The following PTPRN2 variants were observed in gnomAD, a reference collection of about 807,000 sequenced individuals.
PTPRN2 encodes the protein protein tyrosine phosphatase receptor type N2, also known as receptor-type tyrosine-protein phosphatase N2.
A neutral mutation model predicts 118.8 loss-of-function variants in PTPRN2; 74 were observed. The observed-to-expected ratio is 0.62, with a 90% confidence interval of 0.52 to 0.76. PTPRN2 has a LOEUF of 0.76. Among genes scored for constraint, PTPRN2 ranks in the 30% least tolerant of loss-of-function variants. The pLI is 0.00. For synonymous variants in PTPRN2, 641 were observed against 608.0 expected, an observed-to-expected ratio of 1.05 and a Z score of -0.80; for missense variants, 1,481 against 1,394.4, an observed-to-expected ratio of 1.06 and a Z score of -0.99.
chr7:157,738,260 C>G (rs542964548), intron 12 of PTPRN2, among the ~76,000 whole-genome samples: 4 of 152,198 alleles, frequency 2.6e-5, no homozygotes, highest in Admixed American at 2.6e-4. Context: ...TTCAACATTC[C>G]TGGCGTCTGA....
chr7:157,765,876 TACTC>T, intron 12 of PTPRN2, among the ~76,000 whole-genome samples: 1 of 136,656 alleles, frequency 7.3e-6, no homozygotes, highest in Middle Eastern at 4.4e-3. Flanking sequence ...CATCCATCAT[TACTC>T]CATCCATCCA....
chr7:158,105,257 CCA>C (rs2150356145), intron 10 of PTPRN2, among the ~76,000 whole-genome samples: 1 of 150,276 alleles, frequency 6.7e-6, no homozygotes, highest in East Asian at 2.0e-4. Flanking sequence ...ACCCTCAGCT[CCA>C]TCCCAACTCC....
At chr7:157,804,148 G>T (rs1369025322) in intron 12 of PTPRN2, among the ~76,000 whole-genome samples, 1 of 152,176 alleles carries the variant, frequency 6.6e-6, no homozygotes, top group Non-Finnish European at 1.5e-5. Flanking sequence ...CCCTTATTTC[G>T]TAGCATCTAA....
chr7:158,490,689 C>T (rs1406326247), intron 1 of PTPRN2, among the ~76,000 whole-genome samples: 4 of 152,250 alleles, frequency 2.6e-5, no homozygotes, highest in Admixed American at 2.6e-4. Flanking sequence ...GGTGTGAACG[C>T]GCAGTGTCTT....
intron 11 of PTPRN2, among the ~76,000 whole-genome samples, chr7:158,002,484 C>T (rs1056039342): frequency 3.3e-5 from 5 of 152,276 alleles, no homozygotes; most frequent in African/African-American, 9.6e-5. Context: ...GACGGCGCCT[C>T]GTGAGCCGGA....
chr7:157,568,743 G>A (rs570392123), intron 21 of PTPRN2, among the ~76,000 whole-genome samples, 159 bp downstream of exon 21: 2 of 152,342 alleles, frequency 1.3e-5, no homozygotes, highest in South Asian at 2.1e-4. Flanking sequence ...AGCCTCAGAA[G>A]CAGATGTGCT....
rs1433282090 is a variant in PTPRN2 at position 158,163,490 on chromosome 7, G to C, written c.910+3441C>G. On this transcript the variant is annotated intron_variant, in intron 6 of 22. Transcript: ENST00000389418. ...TCTGCGTGTTTTGTAGGTGATACCT[G>C]TACGGGGTTCTCAATTCTCTCTTCT... Among the ~76,000 whole-genome samples, 4 of 149,906 alleles carry C rather than the reference G, an allele frequency of 2.7e-5. No individual in the cohort carries two copies. In the South Asian group the frequency reaches 8.5e-4, roughly 32 times the overall value.
chr7:158,243,942 T>C (rs1216743016), intron 3 of PTPRN2, among the ~76,000 whole-genome samples: 2 of 152,202 alleles, frequency 1.3e-5, no homozygotes, highest in Admixed American at 6.5e-5. Flanking sequence ...TTCTAAGTAC[T>C]GCTAAATACT....
intron 1 of PTPRN2, among the ~76,000 whole-genome samples, chr7:158,573,524 G>T (rs1395149879): frequency 6.6e-6 from 1 of 152,074 alleles, no homozygotes; most frequent in Non-Finnish European, 1.5e-5. Flanking sequence ...ACAGCTTCAT[G>T]TCTCTGGGGT....
At chr7:158,196,908 G>A (rs1826254504) in intron 4 of PTPRN2, among the ~76,000 whole-genome samples, 1 of 152,172 alleles carries the variant, frequency 6.6e-6, no homozygotes, top group Non-Finnish European at 1.5e-5. Flanking sequence ...GACACTGAAG[G>A]ACATCATCCC....
rs1296008929 is a variant in PTPRN2, at chr7:157,587,230, ACAGG to A, written c.2496+8004_2496+8007del. 1.3e-5 allele frequency among the ~76,000 whole-genome samples: 2 copies of A among 151,236 alleles called. No individual in the cohort carries two copies. The highest frequency in any genetic ancestry group is 2.9e-5 in the Non-Finnish European group (2 of 67,914). On this transcript the variant is annotated intron_variant, in intron 17 of 22. Transcript: ENST00000389418. The surrounding 1 kb of genome is among the most constrained non-coding windows in gnomAD (Gnocchi z 5.3). ...AGACAGAGACAAGACACACAGGCAG[ACAGG>A]CAGACAGCGAGACAGGCAGACAGAC...
chr7:158,149,712 G>C (rs1266581185), intron 6 of PTPRN2, among the ~76,000 whole-genome samples: 1 of 151,838 alleles, frequency 6.6e-6, no homozygotes, highest in African/African-American at 2.4e-5. Context: ...GCTAAGGCAG[G>C]AGAATTGCTT....
intron 12 of PTPRN2, among the ~76,000 whole-genome samples, chr7:157,742,043 A>C (rs1297645206): frequency 6.6e-6 from 1 of 152,202 alleles, no homozygotes. Flanking sequence ...CCCTGTGTTG[A>C]CAAACACCTA....
chr7:158,240,545 C>G (rs531887851), intron 3 of PTPRN2, among the ~76,000 whole-genome samples: 3 of 152,304 alleles, frequency 2.0e-5, no homozygotes, highest in East Asian at 1.9e-4. Flanking sequence ...TCTCCTGCCT[C>G]GGCCTCCCAA....
intron 12 of PTPRN2, among the ~76,000 whole-genome samples, chr7:157,691,081 C>T (rs1051290012): frequency 2.6e-5 from 3 of 117,040 alleles, no homozygotes; most frequent in African/African-American, 6.1e-5. Context: ...CCCCCCCCCC[C>T]ACATGTTGCT....
At chr7:157,686,714 C>T (rs576878942) in intron 12 of PTPRN2, among the ~76,000 whole-genome samples, 1 of 152,242 alleles carries the variant, frequency 6.6e-6, no homozygotes, top group East Asian at 1.9e-4. Flanking sequence ...GCGGAACACC[C>T]CCTTCTGTAC....
chr7:158,127,611 T>C (rs1210759960), intron 9 of PTPRN2, among the ~76,000 whole-genome samples: 1 of 152,102 alleles, frequency 6.6e-6, no homozygotes, highest in Non-Finnish European at 1.5e-5. Flanking sequence ...TGACTACAGG[T>C]TTCACTTCCC....
At chr7:157,788,374 C>CAAAAAAAAAAAAAAAA (rs749886375) in intron 12 of PTPRN2, among the ~76,000 whole-genome samples, 33 of 75,488 alleles carry the variant, frequency 4.4e-4, no homozygotes, top group South Asian at 2.5e-3. Context: ...GACTCCATCT[C>CAAAAAAAAAAAAAAAA]AAAAAAAAAA....
At chr7:158,380,408 G>A (rs188847059) in intron 2 of PTPRN2, among the ~76,000 whole-genome samples, 33 of 152,296 alleles carry the variant, frequency 2.2e-4, no homozygotes, top group East Asian at 1.5e-3. Context: ...CAGGCCCCAC[G>A]CAAGTCTGAA....
Sources: allele counts gnomAD v4.1 joint callset (sites outside exome capture counted in the v4.1 genomes callset), GRCh38; gene constraint gnomAD v4.1.1; non-coding constraint Gnocchi (gnomAD v3.1); transcripts MANE v1.5; gene names NCBI Gene and HGNC (gene_info 2026-07-23, HGNC 2026-07-21).